The following AHDC1 variants were observed in gnomAD, a reference collection of about 807,000 sequenced individuals.
The protein encoded by AHDC1 is AT-hook DNA binding motif containing 1.
AHDC1 carries 7 observed loss-of-function variants against 87.9 expected under a neutral mutation model. That is an observed-to-expected ratio of 0.08 (90% CI 0.05 to 0.15). The LOEUF (loss-of-function observed/expected upper bound fraction) is 0.15. AHDC1 is among the 10% of genes least tolerant of loss of function. AHDC1 has a pLI of 1.00. For missense variants in AHDC1, 1,841 were observed against 2,253.2 expected (o/e 0.82, Z 3.70); for synonymous variants, 1,051 against 1,006.8 (o/e 1.04, Z -0.83).
At chr1:27,594,626 G>A (rs2089314436) in intron 3 of AHDC1, among the ~76,000 whole-genome samples, 1 of 152,180 alleles carries the variant, frequency 6.6e-6, no homozygotes, top group African/African-American at 2.4e-5. Context: ...GCGGTGAAGG[G>A]GTGGAGATGC....
intron 8 of AHDC1, among the ~76,000 whole-genome samples, chr1:27,546,290 A>G (rs1355925224): frequency 6.6e-6 from 1 of 152,164 alleles, no homozygotes; most frequent in Non-Finnish European, 1.5e-5. Flanking sequence ...GGCTCCTTCA[A>G]CCTTGTTCCC....
rs919736278 is a variant in AHDC1, at chr1:27,547,922, G to A, written c.4194C>T (p.Tyr1398=). The change falls in exon 8 of 9, where the codon TAC becomes TAT. Residue 1398 remains tyrosine (Y), a synonymous_variant. Coordinates refer to ENST00000673934, the MANE Select transcript of AHDC1 (RefSeq NM_001371928.1). The surrounding 1 kb of genome is among the most constrained non-coding windows in gnomAD (Gnocchi z 4.9). ...TVFDAGLQKA[Y]SPTCSPTLGF... is the part of the protein sequence containing the mutation. ...CCAGTGTAGGCGAGCAGGTGGGCGA[G>A]TATGCCTTCTGCAGGCCGGCGTCAA... is the stretch of plus-strand genomic sequence containing the variant. 1.2e-5 allele frequency: 19 copies of A among 1,577,494 alleles called. No homozygotes were observed. The highest frequency in any genetic ancestry group is 1.6e-5 in the Non-Finnish European group (19 of 1,158,518).
At chr1:27,579,916 G>A (rs1294303690) in intron 3 of AHDC1, among the ~76,000 whole-genome samples, 1 of 152,190 alleles carries the variant, frequency 6.6e-6, no homozygotes, top group Non-Finnish European at 1.5e-5. Context: ...GTCTAATCTA[G>A]ATCACCTCCT....
chr1:27,573,031 G>C (rs772447996), intron 3 of AHDC1, among the ~76,000 whole-genome samples: 6 of 152,196 alleles, frequency 3.9e-5, no homozygotes, highest in Admixed American at 1.3e-4. Context: ...GGGAAGCAGC[G>C]GTGCCACTGG....
At chr1:27,566,548 G>A (rs933068661) in intron 3 of AHDC1, among the ~76,000 whole-genome samples, 3 of 151,472 alleles carry the variant, frequency 2.0e-5, no homozygotes, top group African/African-American at 7.3e-5. Context: ...CAGAGGGACT[G>A]ACACACCCAG....
chr1:27,574,182 C>T (rs2088631878), intron 3 of AHDC1, among the ~76,000 whole-genome samples: 1 of 152,328 alleles, frequency 6.6e-6, no homozygotes, highest in East Asian at 1.9e-4. Flanking sequence ...CCCTGGGGAG[C>T]CAGCCTGGAG....
chr1:27,592,582 C>T (rs1048091876), intron 3 of AHDC1, among the ~76,000 whole-genome samples: 9 of 151,996 alleles, frequency 5.9e-5, no homozygotes, highest in Non-Finnish European at 1.0e-4. Flanking sequence ...CCTCCCCCCC[C>T]CAGGCCCTGC....
Position 27,547,478 on chromosome 1 carries a change from C to G in AHDC1, c.4638G>C (p.Leu1546Phe). 2 of 1,601,700 alleles carry G rather than the reference C, an allele frequency of 1.2e-6. No homozygotes were observed. The highest frequency in any genetic ancestry group is 1.7e-6 in the Non-Finnish European group (2 of 1,171,310). Residue 1546 changes from leucine (L) to phenylalanine (F), a missense_variant, in exon 8 of 9, where the codon TTG becomes TTC. Leu to Phe is a conservative substitution (Grantham distance 22). This residue lies in a region of AHDC1 where 505 missense variants were observed against 626.2 expected (regional missense o/e 0.81). Transcript: ENST00000673934. The surrounding 1 kb of genome is among the most constrained non-coding windows in gnomAD (Gnocchi z 4.9). ...AGYGCPLLSD[L>F]TLSPVPRDSL... The stretch of plus-strand genomic sequence containing the variant: ...AGTCCCTCGGCACGGGGGACAGGGT[C>G]AAGTCACTAAGGAGTGGGCAGCCAT...
chr1:27,537,044 C>G (rs1222190128), intron 8 of AHDC1, among the ~76,000 whole-genome samples: 1 of 152,194 alleles, frequency 6.6e-6, no homozygotes, highest in East Asian at 1.9e-4. Flanking sequence ...TCCCACTACC[C>G]TCCCCAGCTT....
At chr1:27,556,669 T>C (rs1330388917) in intron 5 of AHDC1, among the ~76,000 whole-genome samples, 1 of 152,172 alleles carries the variant, frequency 6.6e-6, no homozygotes, top group Admixed American at 6.5e-5. Flanking sequence ...GAGGTTAAGT[T>C]ATGCCCTTAA....
chr1:27,549,007 A>C lies in AHDC1; in HGVS notation c.3109T>G (p.Phe1037Val). The change falls in exon 8 of 9, where the codon TTC (phenylalanine) becomes GTC (valine). Residue 1037 changes from phenylalanine to valine, a missense_variant. This residue lies in a region of AHDC1 where 378 missense variants were observed against 399.0 expected (regional missense o/e 0.95). Transcript: ENST00000673934. ...GGGGCCCCCTCAGAGCTGCTGAAGAAGGAGGCCTTGCTTGGTGGCAGGCAG... is the reference window on the plus strand; with the variant it reads ...GGGGCCCCCTCAGAGCTGCTGAAGACGGAGGCCTTGCTTGGTGGCAGGCAG... ...GPCLPPSKAS[F>V]FSSSEGAPFS... 6.4e-7 allele frequency: 1 copy of C among 1,558,436 alleles called. No individual in the cohort carries two copies. The highest frequency in any genetic ancestry group is 8.6e-7 in the Non-Finnish European group (1 of 1,158,412).
chr1:27,582,559 C>T (rs1419278036), intron 3 of AHDC1, among the ~76,000 whole-genome samples: 1 of 152,216 alleles, frequency 6.6e-6, no homozygotes, highest in Non-Finnish European at 1.5e-5. Flanking sequence ...CTTGTTTTTA[C>T]ATTAACTGTC....
At chr1:27,594,227 G>A (rs1344695611) in intron 3 of AHDC1, among the ~76,000 whole-genome samples, 1 of 152,090 alleles carries the variant, frequency 6.6e-6, no homozygotes, top group Non-Finnish European at 1.5e-5. Context: ...ACCAAGCCCC[G>A]CAGCCTGGAT....
At chr1:27,583,471 T>C (rs547334333) in intron 3 of AHDC1, among the ~76,000 whole-genome samples, 108 of 152,236 alleles carry the variant, frequency 7.1e-4, no homozygotes, top group Admixed American at 1.4e-3. Context: ...TGTTTATTGC[T>C]GAGAAAACCC....
chr1:27,552,383 T>A, intron 7 of AHDC1, 194 bp from the exon 8 acceptor site: 3 of 376,002 alleles, frequency 8.0e-6, no homozygotes, highest in Non-Finnish European at 1.3e-5. Flanking sequence ...AGTGAGCCCC[T>A]CATGGGCCCA....
At chr1:27,552,255 C>G in intron 7 of AHDC1, 66 bp from the exon 8 acceptor site, 1 of 1,349,196 alleles carries the variant, frequency 7.4e-7, no homozygotes. Context: ...TTCCCATATC[C>G]TTGATGAGCT....
In AHDC1 at chr1:27,565,514, A is replaced by G. The variant is rs1369038634; in HGVS notation, c.-628-6631T>C. 1.3e-5 allele frequency among the ~76,000 whole-genome samples: 2 copies of G among 152,164 alleles called. No individual in the cohort carries two copies. Among genetic ancestry groups the G allele is most frequent in the Admixed American group, 1.3e-4 (2 of 15,286 alleles). The stretch of plus-strand genomic sequence containing the variant: ...TCCACCCAACCCTTAAGGAGACAGG[A>G]CCCTGATTCCACCCATGCCCTGGAC... On this transcript the variant is annotated intron_variant, in intron 3 of 8. Transcript: ENST00000673934. The surrounding 1 kb of genome is among the most constrained non-coding windows in gnomAD (Gnocchi z 4.6).
Position 27,548,152 on chromosome 1 carries a change from T to A in AHDC1, c.3964A>T (p.Ser1322Cys). 6.2e-7 allele frequency: 1 copy of A among 1,613,846 alleles called. No homozygotes were observed. Among genetic ancestry groups the A allele is most frequent in the East Asian group, 2.2e-5 (1 of 44,880 alleles). Reference protein sequence around the residue: ...LGLDYYSGDSSMSPLPSQSRA... With the variant: ...LGLDYYSGDSCMSPLPSQSRA... ...GACTGTGAGGGCAGTGGTGACATGC[T>A]GCTGTCCCCGCTATAGTAGTCCAGG... Residue 1322 changes from serine (S) to cysteine (C), a missense_variant, in exon 8 of 9, where the codon AGC becomes TGC. Coordinates refer to ENST00000673934, the MANE Select transcript of AHDC1 (RefSeq NM_001371928.1).
At chr1:27,552,269 G>T in intron 7 of AHDC1, 80 bp from the exon 8 acceptor site, 1 of 1,299,276 alleles carries the variant, frequency 7.7e-7, no homozygotes, top group Non-Finnish European at 9.9e-7. Context: ...ATGAGCTCCT[G>T]GACCCCTCCC....
Sources: gnomAD v4.1 joint callset for allele counts (sites outside exome capture counted in the v4.1 genomes callset) on GRCh38, gnomAD v4.1.1 for gene constraint, gnomAD v4.1.1 regional missense constraint, Gnocchi (gnomAD v3.1) non-coding constraint, MANE v1.5 for transcripts, NCBI Gene and HGNC (gene_info 2026-07-23, HGNC 2026-07-21) for gene names.